Variants in TATDN2 observed in about 807,000 individuals in gnomAD.
The protein encoded by TATDN2 is TatD DNase domain containing 2.
In TATDN2, 44 loss-of-function variants were observed where a neutral mutation model predicts 60.3. That is an observed-to-expected ratio of 0.73 (90% CI 0.57 to 0.94). The LOEUF (loss-of-function observed/expected upper bound fraction) is 0.94. Ranked by LOEUF, TATDN2 falls within the 40% of genes least tolerant of loss-of-function variation. The pLI, the probability that TATDN2 is intolerant of heterozygous loss-of-function variation, is 0.00. For missense variants in TATDN2, 997 were observed against 948.0 expected, an observed-to-expected ratio of 1.05 and a Z score of -0.68; for synonymous variants, 399 against 355.8, an observed-to-expected ratio of 1.12 and a Z score of -1.37.
Position 10,249,507 on chromosome 3 carries a change from A to G in TATDN2, c.307A>G (p.Ile103Val). The G allele has an allele frequency of 6.2e-7, 1 of 1,610,648 alleles. No homozygotes were observed. The highest frequency in any genetic ancestry group is 8.5e-7 in the Non-Finnish European group (1 of 1,178,358). The change falls in exon 2 of 8, where the codon ATT becomes GTT. Residue 103 changes from isoleucine to valine, a missense_variant. Physicochemically the swap from Ile to Val is conservative, Grantham distance 29 (BLOSUM62 3). Coordinates refer to ENST00000448281, the MANE Select transcript of TATDN2 (RefSeq NM_014760.4). ...CGGGGCCGCCTCCAAAGGCTGCCTG[A>G]TTCGGAACACTCGGGGGTTCCTGTC... Reference protein sequence around the residue: ...VGGAASKGCLIRNTRGFLSSG... With the variant: ...VGGAASKGCLVRNTRGFLSSG...
In TATDN2 at chr3:10,269,341, C is replaced by T. The variant is rs1335662020; in HGVS notation, c.949-790C>T. ...CTATAAGTAAGTCTCTAGGTAGGTC[C>T]AGATTAAGGGGAGGGGTCATAGACC... is the stretch of plus-strand genomic sequence containing the variant. On this transcript the variant is annotated intron_variant, in intron 3 of 7. Transcript: ENST00000448281. Among the ~76,000 whole-genome samples the T allele has an allele frequency of 3.9e-5, 6 of 152,268 alleles. No homozygotes were observed. The East Asian group carries it at 1.2e-3, about 29-fold the overall frequency.
chr3:10,255,609 T>G (rs1431732881), intron 2 of TATDN2, among the ~76,000 whole-genome samples: 1 of 133,636 alleles, frequency 7.5e-6, no homozygotes, highest in African/African-American at 2.8e-5. Context: ...TGCTAGGTCC[T>G]TAACAGTATT....
rs534786921 is a variant in TATDN2, at chr3:10,278,144, T to G, written c.1962-135T>G. On this transcript the variant is annotated intron_variant, in intron 5 of 7. Transcript: ENST00000448281. The surrounding 1 kb of genome is among the most constrained non-coding windows in gnomAD (Gnocchi z 4.7). ...GTTGGAGCCAGCCCTTGTCTGTGTT[T>G]ACTGTGGAGTCCTTCCCTAGGATGC... is the stretch of plus-strand genomic sequence containing the variant. The G allele has an allele frequency of 9.6e-7, 1 of 1,036,928 alleles. No individual in the cohort carries two copies. Among genetic ancestry groups the G allele is most frequent in the Admixed American group, 2.3e-5 (1 of 43,586 alleles). The allele number at this position is 1,036,928 out of a possible 1,614,324, so 64.2% of individuals were successfully genotyped here. A position where few individuals can be genotyped will look rare whatever the true frequency, so the allele number is the denominator to read the frequency against.
At chr3:10,252,921 A>G (rs544631684) in intron 2 of TATDN2, among the ~76,000 whole-genome samples, 20 of 148,316 alleles carry the variant, frequency 1.3e-4, no homozygotes, top group African/African-American at 4.0e-4. Flanking sequence ...CAGTGGTGCA[A>G]TCTCGGCTCA....
At chr3:10,249,892 C>G (rs1162609227) in intron 2 of TATDN2, among the ~76,000 whole-genome samples, 1 of 152,170 alleles carries the variant, frequency 6.6e-6, no homozygotes, top group Non-Finnish European at 1.5e-5. Context: ...TCCAGAGAAA[C>G]TGATTTATTG....
chr3:10,267,039 C>T (rs182270346), intron 3 of TATDN2, among the ~76,000 whole-genome samples: 1 of 150,902 alleles, frequency 6.6e-6, no homozygotes. Context: ...CATGTCTCAG[C>T]CTCCCGAGCA....
intron 4 of TATDN2, 81 bp from the exon 5 acceptor site, chr3:10,276,280 C>T (rs1247316952): frequency 7.1e-6 from 11 of 1,547,988 alleles, no homozygotes; most frequent in African/African-American, 2.8e-5. Context: ...CAGGGGGTGC[C>T]TGCTGGACTG....
rs1698179956 is a variant in TATDN2 at position 10,249,186 on chromosome 3, A to G, written c.-6-9A>G. ...TGGTGTTGGAATCCAGGCCCCCTGT[A>G]CCTTGCAGGTGCCCATGGCGTCCGA... On this transcript the variant is annotated splice_polypyrimidine_tract_variant and intron_variant, in intron 1 of 7. Coordinates refer to ENST00000448281, the MANE Select transcript of TATDN2 (RefSeq NM_014760.4). 6.6e-7 allele frequency: 1 copy of G among 1,509,084 alleles called. No homozygotes were observed. Among genetic ancestry groups the G allele is most frequent in the Non-Finnish European group, 8.9e-7 (1 of 1,128,252 alleles). The allele number at this position is 1,509,084 out of a possible 1,614,324, so 93.5% of individuals were successfully genotyped here. A position where few individuals can be genotyped will look rare whatever the true frequency, so the allele number is the denominator to read the frequency against.
chr3:10,269,663 C>A (rs139145128), intron 3 of TATDN2, among the ~76,000 whole-genome samples: 5 of 151,968 alleles, frequency 3.3e-5, no homozygotes, highest in African/African-American at 9.7e-5. Flanking sequence ...ATCTCACCAC[C>A]GCATTCCAGC....
At position 10,248,657 on chromosome 3, in the gene TATDN2, A is replaced by T. The variant is rs922757103; in HGVS notation, c.-417A>T. On this transcript the variant is annotated 5_prime_UTR_variant, in exon 1 of 8. Transcript: ENST00000448281. ...CGGTCGAGGGCGCTGCCAGCTCCCG[A>T]GGGGCCGCTCGGGCCCCTTCCGGCC... 4.0e-5 allele frequency: 6 copies of T among 151,186 alleles called. No homozygotes were observed. The highest frequency in any genetic ancestry group is 2.6e-4 in the Admixed American group (4 of 15,210). The allele number at this position is 151,186 out of a possible 1,614,324, so 9.4% of individuals were successfully genotyped here.
chr3:10,255,541 G>T (rs933049890), intron 2 of TATDN2, among the ~76,000 whole-genome samples: 5 of 151,676 alleles, frequency 3.3e-5, no homozygotes, highest in African/African-American at 1.2e-4. Flanking sequence ...CCCAACTCCA[G>T]TCTTGGTCTT....
chr3:10,258,243 G>T (rs1698345068), intron 2 of TATDN2, among the ~76,000 whole-genome samples: 1 of 151,666 alleles, frequency 6.6e-6, no homozygotes, highest in South Asian at 2.1e-4. Context: ...AATTTCAAAT[G>T]ATACAAGAAG....
Position 10,278,359 on chromosome 3 carries a change from T to C in TATDN2, c.2042T>C (p.Val681Ala), listed in dbSNP as rs760058948. ...AACATGTCTGTGGGCTTCACGGCAG[T>C]GCTGACATACTCCTCTGCCTGGGAG... ...FPNMSVGFTAVLTYSSAWEAR... is the reference protein window; with the variant it reads ...FPNMSVGFTAALTYSSAWEAR... Residue 681 changes from valine to alanine, a missense_variant, in exon 6 of 8, where the codon GTG becomes GCG. Val to Ala is a moderately conservative substitution (Grantham distance 64). Coordinates refer to ENST00000448281, the MANE Select transcript of TATDN2 (RefSeq NM_014760.4). This position sits in a 1 kb window ranked among gnomAD's most constrained non-coding sequence, Gnocchi z 4.7. 1.9e-6 allele frequency: 3 copies of C among 1,614,206 alleles called. No homozygotes were observed.
chr3:10,271,528 T>G (rs551266998), intron 4 of TATDN2, among the ~76,000 whole-genome samples: 4 of 152,148 alleles, frequency 2.6e-5, no homozygotes, highest in Non-Finnish European at 5.9e-5. Flanking sequence ...GGTATTGAAC[T>G]CCTGACCTCA....
At chr3:10,259,262 G>A (rs776411879) in intron 2 of TATDN2, among the ~76,000 whole-genome samples, 1 of 152,192 alleles carries the variant, frequency 6.6e-6, no homozygotes, top group Non-Finnish European at 1.5e-5. Context: ...TTCCCAAAGT[G>A]CTGGATTACA....
chr3:10,265,187 C>T (rs1218630906), intron 3 of TATDN2, among the ~76,000 whole-genome samples: 5 of 150,628 alleles, frequency 3.3e-5, no homozygotes, highest in Admixed American at 6.6e-5. Flanking sequence ...AGCAATTCTC[C>T]TGTTTCAGCC....
rs1698378503 is a variant in TATDN2 at position 10,260,187 on chromosome 3, T to C, written c.465T>C (p.Ala155=). 1 of 1,613,828 alleles carries C rather than the reference T, an allele frequency of 6.2e-7. No individual in the cohort carries two copies. The highest frequency in any genetic ancestry group is 8.5e-7 in the Non-Finnish European group (1 of 1,179,954). Residue 155 remains alanine, a synonymous_variant, in exon 3 of 8, where the codon GCT becomes GCC. Transcript: ENST00000448281. ...SHNSTNSEFA[A]EAEGQNDTIE... ...ACTCCACAAACTCTGAATTTGCAGC[T>C]GAAGCTGAGGGTCAGAATGATACAA... is the stretch of plus-strand genomic sequence containing the variant.
In TATDN2 at chr3:10,279,629, C is replaced by T. The variant is rs1698698279; in HGVS notation, c.*447C>T. The T allele has an allele frequency of 6.6e-6, 1 of 152,022 alleles. No individual in the cohort carries two copies. The highest frequency in any genetic ancestry group is 2.4e-5 in the African/African-American group (1 of 41,366). 9.4% of individuals were successfully genotyped at this position (152,022 alleles called of 1,614,324 possible). A position where few individuals can be genotyped will look rare whatever the true frequency, so the allele number is the denominator to read the frequency against. On this transcript the variant is annotated 3_prime_UTR_variant, in exon 8 of 8. Coordinates refer to ENST00000448281, the MANE Select transcript of TATDN2 (RefSeq NM_014760.4). ...GGTTCTCGGTTCTAAAAACAGACTT[C>T]CAACTGGGAAACTTTTTGGGGGAAA...
intron 2 of TATDN2, among the ~76,000 whole-genome samples, chr3:10,250,772 A>G (rs2125170575): frequency 6.6e-6 from 1 of 152,324 alleles, no homozygotes; most frequent in East Asian, 1.9e-4. Flanking sequence ...TAGCGTAGGA[A>G]TGCTGAATTT....
Sources: allele counts gnomAD v4.1 joint callset (sites outside exome capture counted in the v4.1 genomes callset), GRCh38; gene constraint gnomAD v4.1.1; non-coding constraint Gnocchi (gnomAD v3.1); transcripts MANE v1.5; gene names NCBI Gene and HGNC (gene_info 2026-07-23, HGNC 2026-07-21).